The following DNAH9 variants were observed in gnomAD, a reference collection of about 807,000 sequenced individuals.
DNAH9 encodes DNAH9 variant protein.
In DNAH9, 345 loss-of-function variants were observed where a neutral mutation model predicts 471.6. The ratio of observed to expected loss-of-function variants is 0.73; its 90% confidence interval spans 0.67 to 0.80. DNAH9 has a LOEUF of 0.80. Ranked by LOEUF, DNAH9 falls within the 30% of genes least tolerant of loss-of-function variation. DNAH9 has a pLI of 0.00. For missense variants in DNAH9, 5,407 were observed against 5,609.2 expected, an observed-to-expected ratio of 0.96 and a Z score of 1.15; for synonymous variants, 2,093 against 2,123.6, an observed-to-expected ratio of 0.99 and a Z score of 0.40.
Position 11,961,993 on chromosome 17 carries a change from C to G in DNAH9, c.12970C>G (p.Leu4324Val), listed in dbSNP as rs746708198. 1.2e-6 allele frequency: 2 copies of G among 1,614,168 alleles called. No homozygotes were observed. The highest frequency in any genetic ancestry group is 2.7e-5 in the African/African-American group (2 of 75,030). The change falls in exon 68 of 69, where the codon CTC becomes GTC. Residue 4324 changes from leucine to valine, a missense_variant. Physicochemically the swap from Leu to Val is conservative, Grantham distance 32 (BLOSUM62 1). Around this residue, in one of 3 missense-constraint regions of DNAH9, gnomAD observed 4,636 missense variants for 4,900.3 expected, o/e 0.95. Transcript: ENST00000262442. ...TAGLAAWFPD[L>V]LNRIKELEAW... Reference sequence around the variant, plus strand: ...AGGCCTGGCAGCCTGGTTTCCAGACCTCCTCAACAGAATCAAGGAGCTAGA... The same window carrying G: ...AGGCCTGGCAGCCTGGTTTCCAGACGTCCTCAACAGAATCAAGGAGCTAGA...
chr17:11,863,305 T>G (rs1971925958), intron 50 of DNAH9, among the ~76,000 whole-genome samples: 1 of 152,198 alleles, frequency 6.6e-6, no homozygotes, highest in Admixed American at 6.5e-5. Context: ...TTGGTTCTGT[T>G]TATATGCTGG....
At chr17:11,850,173 T>C (rs1212501139) in intron 49 of DNAH9, among the ~76,000 whole-genome samples, 1 of 151,818 alleles carries the variant, frequency 6.6e-6, no homozygotes, top group African/African-American at 2.4e-5. Flanking sequence ...AGAGGATGGG[T>C]GGGAGGAGGC....
intron 13 of DNAH9, among the ~76,000 whole-genome samples, chr17:11,652,418 T>TG (rs1460807196): frequency 1.3e-5 from 2 of 151,424 alleles, no homozygotes; most frequent in African/African-American, 4.9e-5. Flanking sequence ...CCCGAGTAGC[T>TG]GGGACTACAG....
intron 38 of DNAH9, among the ~76,000 whole-genome samples, chr17:11,771,860 T>C (rs1422813239): frequency 6.6e-6 from 1 of 152,232 alleles, no homozygotes; most frequent in African/African-American, 2.4e-5. Context: ...GAATCTGACT[T>C]AGACTTTTAC....
At chr17:11,647,712 G>C (rs186251291) in intron 12 of DNAH9, among the ~76,000 whole-genome samples, 1 of 152,090 alleles carries the variant, frequency 6.6e-6, no homozygotes, top group African/African-American at 2.4e-5. Flanking sequence ...AGGAACCCAC[G>C]GTCTAGTTGG....
Position 11,871,791 on chromosome 17 carries a change from G to A in DNAH9, c.10242+5G>A, listed in dbSNP as rs772174304. 13 of 1,613,276 alleles carry A rather than the reference G, an allele frequency of 8.1e-6. No individual in the cohort carries two copies. Among genetic ancestry groups the A allele is most frequent in the African/African-American group, 1.3e-5 (1 of 74,866 alleles). The stretch of plus-strand genomic sequence containing the variant: ...CCCTACCTGAGCCAGCTGAAAGTAC[G>A]TATGGCCTGAATTTCTCCCGACCAC... On this transcript the variant is annotated splice_donor_5th_base_variant and intron_variant, in intron 52 of 68. Transcript: ENST00000262442.
intron 1 of DNAH9, among the ~76,000 whole-genome samples, chr17:11,605,427 T>C (rs929621867): frequency 1.3e-5 from 2 of 152,212 alleles, no homozygotes; most frequent in Non-Finnish European, 2.9e-5. Flanking sequence ...CAGCACATAA[T>C]AGATGCTCAG....
chr17:11,906,643 A>G (rs12450308), intron 61 of DNAH9, among the ~76,000 whole-genome samples: 85,153 of 148,422 alleles, frequency 0.57, 25,992 homozygotes, highest in Middle Eastern at 0.71. Flanking sequence ...AAAAAAAAAA[A>G]AAAGAAAATG....
chr17:11,807,656 C>T (rs533750767), intron 43 of DNAH9, 76 bp from the exon 44 acceptor site: 1 of 1,487,302 alleles, frequency 6.7e-7, no homozygotes, highest in South Asian at 1.3e-5. Flanking sequence ...CCCCTGCTCC[C>T]ACTCAAGCCT....
At chr17:11,762,770 G>GTTTGTTTTGTTTTTTT (rs1193246497) in intron 35 of DNAH9, among the ~76,000 whole-genome samples, 1 of 90,744 alleles carries the variant, frequency 1.1e-5, no homozygotes. Flanking sequence ...TTTTTTTTTT[G>GTTTGTTTTGTTTTTTT]TTTTTTTTTT....
At chr17:11,771,788 CTAATAA>C (rs947500217) in intron 38 of DNAH9, among the ~76,000 whole-genome samples, 3 of 152,214 alleles carry the variant, frequency 2.0e-5, no homozygotes, top group African/African-American at 7.2e-5. Context: ...ACTACTACTA[CTAATAA>C]TAATAATAAT....
chr17:11,689,262 T>C (rs2074292040), intron 19 of DNAH9, among the ~76,000 whole-genome samples: 1 of 151,976 alleles, frequency 6.6e-6, no homozygotes, highest in African/African-American at 2.4e-5. Context: ...GGGGCTTGGA[T>C]AAGGGGGTAT....
intron 50 of DNAH9, among the ~76,000 whole-genome samples, chr17:11,860,719 G>A (rs928439571): frequency 1.3e-5 from 2 of 152,054 alleles, no homozygotes; most frequent in African/African-American, 4.8e-5. Flanking sequence ...GTGCCACCAT[G>A]CCCGGCTAAT....
intron 26 of DNAH9, among the ~76,000 whole-genome samples, chr17:11,707,305 AT>A (rs1321614722): frequency 6.6e-6 from 1 of 152,298 alleles, no homozygotes; most frequent in Non-Finnish European, 1.5e-5. Context: ...AATCTGTGCT[AT>A]TTTTTGACTT....
intron 67 of DNAH9, among the ~76,000 whole-genome samples, chr17:11,960,518 T>C (rs918994180): frequency 4.8e-5 from 7 of 146,404 alleles, no homozygotes; most frequent in African/African-American, 1.8e-4. Flanking sequence ...ATTCTGGAGA[T>C]TGAGGTGGGC....
chr17:11,902,973 A>G (rs376122643), intron 60 of DNAH9, 61 bp downstream of exon 60: 1 of 1,542,598 alleles, frequency 6.5e-7, no homozygotes, highest in Non-Finnish European at 8.8e-7. Flanking sequence ...CCTCAGGACA[A>G]CTGGACCAGC....
intron 41 of DNAH9, 30 bp from the exon 42 acceptor site, chr17:11,793,473 G>T (rs371799657): frequency 3.1e-6 from 5 of 1,595,990 alleles, no homozygotes; most frequent in Middle Eastern, 1.7e-4. Context: ...GGTTATTAAC[G>T]TTATTTTTTT....
rs551468013 is a variant in DNAH9, at chr17:11,658,851, G to A, written c.2595+5849G>A. Reference sequence around the variant, plus strand: ...TTGCATTTCTGAGATAAATGCATTCGATCATGTCATATTAATCTTTTCATG... The same window carrying A: ...TTGCATTTCTGAGATAAATGCATTCAATCATGTCATATTAATCTTTTCATG... On this transcript the variant is annotated intron_variant, in intron 14 of 68. Transcript: ENST00000262442. Among the ~76,000 whole-genome samples the A allele has an allele frequency of 2.4e-3, 369 of 151,502 alleles. 1 individual carries two copies. The highest frequency in any genetic ancestry group is 7.2e-3 in the African/African-American group (298 of 41,268).
intron 19 of DNAH9, among the ~76,000 whole-genome samples, chr17:11,687,763 T>C (rs1477867205): frequency 6.6e-6 from 1 of 150,960 alleles, no homozygotes; most frequent in Non-Finnish European, 1.5e-5. Flanking sequence ...AGGATGAGAG[T>C]GAGTATAATA....
Sources: allele counts gnomAD v4.1 joint callset (sites outside exome capture counted in the v4.1 genomes callset), GRCh38; gene constraint gnomAD v4.1.1; regional missense constraint gnomAD v4.1.1; transcripts MANE v1.5; gene names NCBI Gene and HGNC (gene_info 2026-07-23, HGNC 2026-07-21).